Variants in IQGAP2 observed in about 807,000 individuals in gnomAD.
IQGAP2 encodes the protein ras GTPase-activating-like protein IQGAP2.
Under a neutral mutation model 201.3 loss-of-function variants are expected in IQGAP2, and 173 were observed. That is an observed-to-expected ratio of 0.86 (90% CI 0.76 to 0.98). IQGAP2 has a LOEUF of 0.98. IQGAP2 is among the 50% of genes least tolerant of loss of function. IQGAP2 has a pLI of 0.00. For missense variants in IQGAP2, 1,687 were observed against 1,864.8 expected, an observed-to-expected ratio of 0.90 and a Z score of 1.76; for synonymous variants, 675 against 673.9, an observed-to-expected ratio of 1.00 and a Z score of -0.03.
intron 2 of IQGAP2, among the ~76,000 whole-genome samples, chr5:76,550,705 G>T (rs1010716114): frequency 6.6e-6 from 1 of 152,176 alleles, no homozygotes; most frequent in Non-Finnish European, 1.5e-5. Flanking sequence ...CAAGGCAGAA[G>T]AATTTTTCTT....
intron 22 of IQGAP2, 79 bp from the exon 23 acceptor site, chr5:76,668,602 A>T: frequency 8.7e-7 from 1 of 1,154,524 alleles, no homozygotes; most frequent in Non-Finnish European, 1.3e-6. Context: ...GGAATCAGAT[A>T]CTGCTTTGTG....
intron 1 of IQGAP2, among the ~76,000 whole-genome samples, chr5:76,417,005 A>T (rs575023031): frequency 5.8e-4 from 87 of 151,026 alleles, no homozygotes; most frequent in African/African-American, 1.4e-3. Flanking sequence ...ATTAAAAAAA[A>T]TTTTTTTTTG....
intron 21 of IQGAP2, among the ~76,000 whole-genome samples, chr5:76,661,481 G>A (rs6886902): frequency 0.22 from 33,850 of 152,074 alleles, 4,242 homozygotes; most frequent in Non-Finnish European, 0.3. Flanking sequence ...TGAGTATGAT[G>A]TATCATCTAG....
At position 76,499,941 on chromosome 5, in the gene IQGAP2, A is replaced by T. The variant is rs1580328770; in HGVS notation, c.146+38272A>T. Among the ~76,000 whole-genome samples the T allele has an allele frequency of 2.7e-5, 4 of 147,696 alleles. No individual in the cohort carries two copies. The East Asian group carries it at 5.9e-4, about 22-fold the overall frequency. Reference sequence around the variant, plus strand: ...GGAAGCATAGTGAAACCTCATCCCTAAAAAAAAAAGACAAAAATTAACTGG... The same window carrying T: ...GGAAGCATAGTGAAACCTCATCCCTTAAAAAAAAAGACAAAAATTAACTGG... On this transcript the variant is annotated intron_variant, in intron 2 of 35. Transcript: ENST00000274364.
chr5:76,588,015 C>G (rs1239262516), intron 5 of IQGAP2, among the ~76,000 whole-genome samples: 1 of 150,274 alleles, frequency 6.7e-6, no homozygotes, highest in Non-Finnish European at 1.5e-5. Context: ...CATTAAATGA[C>G]TAATCATACA....
At chr5:76,476,613 G>A (rs2150140270) in intron 2 of IQGAP2, among the ~76,000 whole-genome samples, 1 of 152,274 alleles carries the variant, frequency 6.6e-6, no homozygotes, top group South Asian at 2.1e-4. Context: ...AGGAGGGCTG[G>A]TTAGCAGGAT....
intron 20 of IQGAP2, among the ~76,000 whole-genome samples, chr5:76,656,821 T>C (rs1742778522): frequency 6.6e-6 from 1 of 152,282 alleles, no homozygotes; most frequent in Admixed American, 6.5e-5. Context: ...GCTTTTATGG[T>C]AACCAAAACA....
intron 3 of IQGAP2, among the ~76,000 whole-genome samples, chr5:76,563,497 T>C (rs1261911390): frequency 6.6e-6 from 1 of 152,190 alleles, no homozygotes; most frequent in African/African-American, 2.4e-5. Context: ...GATGGGTACA[T>C]AGGAGTTCAT....
At chr5:76,570,369 A>G (rs1009597929) in intron 3 of IQGAP2, among the ~76,000 whole-genome samples, 1 of 152,228 alleles carries the variant, frequency 6.6e-6, no homozygotes, top group African/African-American at 2.4e-5. Context: ...AAACGTGTGA[A>G]TTATGGAAAT....
intron 1 of IQGAP2, among the ~76,000 whole-genome samples, chr5:76,418,693 C>T (rs1477547509): frequency 6.6e-6 from 1 of 151,906 alleles, no homozygotes; most frequent in Non-Finnish European, 1.5e-5. Flanking sequence ...AACTACTCTG[C>T]GAGGGAGGGG....
At chr5:76,667,160 T>TGAGTA (rs149189114) in intron 22 of IQGAP2, among the ~76,000 whole-genome samples, 1 of 105,752 alleles carries the variant, frequency 9.5e-6, no homozygotes, top group Non-Finnish European at 2.3e-5. Flanking sequence ...GGAGGAATGG[T>TGAGTA]GAGTAGGCAT....
At chr5:76,457,299 C>A (rs1028928950) in intron 1 of IQGAP2, among the ~76,000 whole-genome samples, 4 of 152,126 alleles carry the variant, frequency 2.6e-5, no homozygotes, top group Non-Finnish European at 5.9e-5. Flanking sequence ...ATTGGTAATT[C>A]CTGGTTTTCT....
At chr5:76,644,226 T>C (rs1432904843) in intron 17 of IQGAP2, among the ~76,000 whole-genome samples, 2 of 150,768 alleles carry the variant, frequency 1.3e-5, no homozygotes, top group Non-Finnish European at 3.0e-5. Context: ...ACAAATAAGA[T>C]GGCTATTATA....
chr5:76,508,710 T>G (rs1757763041), intron 2 of IQGAP2, among the ~76,000 whole-genome samples: 1 of 151,874 alleles, frequency 6.6e-6, no homozygotes. Context: ...GTTTTTTTTT[T>G]TTTAAAGATC....
intron 1 of IQGAP2, among the ~76,000 whole-genome samples, chr5:76,404,035 G>A (rs1030929049): frequency 5.3e-5 from 8 of 152,192 alleles, no homozygotes; most frequent in Non-Finnish European, 1.0e-4. Flanking sequence ...CAAGTAGGGC[G>A]CCGGCGCACT....
chr5:76,412,677 A>G (rs989358833), intron 1 of IQGAP2, among the ~76,000 whole-genome samples: 1 of 152,164 alleles, frequency 6.6e-6, no homozygotes, highest in East Asian at 1.9e-4. Context: ...CTCAGTAAAT[A>G]TTTGCTGTTA....
At chr5:76,446,348 T>C (rs991241791) in intron 1 of IQGAP2, among the ~76,000 whole-genome samples, 1 of 151,684 alleles carries the variant, frequency 6.6e-6, no homozygotes, top group Non-Finnish European at 1.5e-5. Context: ...GCACCACCAC[T>C]CGTTGTTTTT....
chr5:76,559,418 G>A (rs1486193336), intron 2 of IQGAP2, among the ~76,000 whole-genome samples: 2 of 152,052 alleles, frequency 1.3e-5, no homozygotes, highest in Admixed American at 6.5e-5. Flanking sequence ...ACTCCTCTTC[G>A]GTGAGGCTGC....
chr5:76,526,269 C>T (rs1009936381), intron 2 of IQGAP2, among the ~76,000 whole-genome samples: 5 of 152,124 alleles, frequency 3.3e-5, no homozygotes, highest in Non-Finnish European at 5.9e-5. Context: ...ACTTGAAGCA[C>T]GTTAGGTCTT....
Sources: gnomAD v4.1 joint callset for allele counts (sites outside exome capture counted in the v4.1 genomes callset) on GRCh38, gnomAD v4.1.1 for gene constraint, MANE v1.5 for transcripts, NCBI Gene and HGNC (gene_info 2026-07-23, HGNC 2026-07-21) for gene names.